The following DYNC1I1 variants were observed in gnomAD, a reference collection of about 807,000 sequenced individuals.
The protein encoded by DYNC1I1 is dynein cytoplasmic 1 intermediate chain 1.
In DYNC1I1, 43 loss-of-function variants were observed where a neutral mutation model predicts 86.6. The ratio of observed to expected loss-of-function variants is 0.50; its 90% CI spans 0.39 to 0.64. DYNC1I1 has a LOEUF of 0.64. Ranked by LOEUF, DYNC1I1 falls within the 30% of genes least tolerant of loss-of-function variation. DYNC1I1 has a pLI of 0.00. For synonymous variants in DYNC1I1, 262 were observed against 283.7 expected, an observed-to-expected ratio of 0.92 and a Z score of 0.77; for missense variants, 604 against 788.8, an observed-to-expected ratio of 0.77 and a Z score of 2.81.
intron 5 of DYNC1I1, among the ~76,000 whole-genome samples, 170 bp from the exon 6 acceptor site, chr7:95,869,713 C>T (rs747118324): frequency 4.6e-5 from 7 of 152,196 alleles, no homozygotes; most frequent in African/African-American, 9.6e-5. Context: ...CAAGAGCCCA[C>T]GTGTCCTGAC....
chr7:95,958,020 G>A (rs546407153), intron 6 of DYNC1I1, among the ~76,000 whole-genome samples: 10 of 152,036 alleles, frequency 6.6e-5, no homozygotes, highest in Non-Finnish European at 1.0e-4. Context: ...TGGTATTTTG[G>A]GCTGGTTAAG....
intron 4 of DYNC1I1, among the ~76,000 whole-genome samples, chr7:95,821,989 A>T (rs1795086067): frequency 6.6e-6 from 1 of 152,198 alleles, no homozygotes; most frequent in Non-Finnish European, 1.5e-5. Flanking sequence ...TTAGGAAATA[A>T]TTCTAAGGTT....
intron 5 of DYNC1I1, among the ~76,000 whole-genome samples, chr7:95,841,807 TTTTGATGTGCAATCTAACC>T (rs1411347364): frequency 6.6e-6 from 1 of 152,174 alleles, no homozygotes; most frequent in African/African-American, 2.4e-5. Flanking sequence ...AAGTCAGGGC[TTTTGATGTGCAATCTAACC>T]CCTTCTAGGG....
chr7:95,931,838 T>A, intron 6 of DYNC1I1, among the ~76,000 whole-genome samples: 1 of 152,220 alleles, frequency 6.6e-6, no homozygotes, highest in East Asian at 1.9e-4. Flanking sequence ...TTTTTTATAT[T>A]TAAATTAATA....
chr7:95,790,545 C>T (rs1284297662), intron 1 of DYNC1I1, among the ~76,000 whole-genome samples: 2 of 152,210 alleles, frequency 1.3e-5, no homozygotes, highest in African/African-American at 2.4e-5. Context: ...GTGGTAACCA[C>T]AGACTACATG....
At chr7:95,903,440 G>A (rs1791092500) in intron 6 of DYNC1I1, among the ~76,000 whole-genome samples, 1 of 152,116 alleles carries the variant, frequency 6.6e-6, no homozygotes, top group Admixed American at 6.5e-5. Context: ...AGTTCTAGCT[G>A]GACAGTAATC....
intron 5 of DYNC1I1, among the ~76,000 whole-genome samples, chr7:95,856,269 C>T (rs144941425): frequency 7.8e-4 from 119 of 152,194 alleles, no homozygotes; most frequent in Non-Finnish European, 1.4e-3. Context: ...ACATGTTGTC[C>T]CCCTGGACGG....
chr7:95,901,571 G>A (rs1791038464), intron 6 of DYNC1I1, among the ~76,000 whole-genome samples: 1 of 152,174 alleles, frequency 6.6e-6, no homozygotes, highest in African/African-American at 2.4e-5. Flanking sequence ...CAACCCAAGT[G>A]TGGCTCTTGA....
Position 95,810,518 on chromosome 7 carries a change from T to C in DYNC1I1, c.223+12T>C. 6.2e-7 allele frequency: 1 copy of C among 1,606,416 alleles called. No individual in the cohort carries two copies. The highest frequency in any genetic ancestry group is 8.5e-7 in the Non-Finnish European group (1 of 1,175,894). ...GGAGCCGCCTCTAGGTACTTAAAAG[T>C]GCTTCCTGTTACTATTCCTCAAAAT... On this transcript the variant is annotated intron_variant, in intron 3 of 16. Coordinates refer to ENST00000447467, the MANE Select transcript of DYNC1I1 (RefSeq NM_001135556.2).
chr7:96,109,199 GCTTT>G (rs1452200501), intron 16 of DYNC1I1, among the ~76,000 whole-genome samples: 1 of 150,076 alleles, frequency 6.7e-6, no homozygotes, highest in Non-Finnish European at 1.5e-5. Context: ...TTATTTTCCT[GCTTT>G]CTTTTTTTTT....
chr7:96,003,892 C>A (rs866529714), intron 10 of DYNC1I1, among the ~76,000 whole-genome samples: 3 of 152,148 alleles, frequency 2.0e-5, no homozygotes, highest in Non-Finnish European at 4.4e-5. Flanking sequence ...ACTAGGTCCA[C>A]ACTTTCTGAT....
intron 1 of DYNC1I1, among the ~76,000 whole-genome samples, chr7:95,791,114 T>G (rs1332449894): frequency 6.6e-6 from 1 of 152,242 alleles, no homozygotes; most frequent in African/African-American, 2.4e-5. Context: ...CTAATTTTAC[T>G]TTATTATCTG....
intron 1 of DYNC1I1, among the ~76,000 whole-genome samples, chr7:95,774,575 TCTGA>T (rs769995054): frequency 7.2e-5 from 11 of 152,342 alleles, no homozygotes; most frequent in Middle Eastern, 6.8e-3. Flanking sequence ...GTCTTCAGTT[TCTGA>T]CTAACTTCGA....
chr7:96,049,135 G>A (rs914410164), intron 14 of DYNC1I1, among the ~76,000 whole-genome samples: 4 of 151,820 alleles, frequency 2.6e-5, no homozygotes, highest in African/African-American at 9.7e-5. Flanking sequence ...GCGGGTGCCT[G>A]TAGTCCCAGC....
Position 95,964,002 on chromosome 7 carries a change from C to A in DYNC1I1, c.491-13510C>A, listed in dbSNP as rs74873195. Among the ~76,000 whole-genome samples the A allele has an allele frequency of 7.2e-3, 1,102 of 152,204 alleles. 6 individuals are homozygous for A. The highest frequency in any genetic ancestry group is 0.011 in the Non-Finnish European group (754 of 67,994). ...AATAGAAAATTATTACACTGACAGA[C>A]AAGAGACTTCATATTTGAGCCAATG... is the stretch of plus-strand genomic sequence containing the variant. On this transcript the variant is annotated intron_variant, in intron 6 of 16. Transcript: ENST00000447467.
At chr7:96,025,158 T>C (rs1176663885) in intron 10 of DYNC1I1, among the ~76,000 whole-genome samples, 2 of 152,168 alleles carry the variant, frequency 1.3e-5, no homozygotes, top group Non-Finnish European at 2.9e-5. Flanking sequence ...TGTAAAGACA[T>C]CTTGTGAAAT....
intron 6 of DYNC1I1, among the ~76,000 whole-genome samples, chr7:95,952,659 C>T (rs376388162): frequency 5.9e-5 from 9 of 152,066 alleles, no homozygotes; most frequent in Admixed American, 2.0e-4. Context: ...TTGAAGTGAG[C>T]GCTATGTTAT....
chr7:95,899,411 C>T (rs1790976101), intron 6 of DYNC1I1, among the ~76,000 whole-genome samples: 1 of 152,176 alleles, frequency 6.6e-6, no homozygotes, highest in Non-Finnish European at 1.5e-5. Flanking sequence ...CTGTTGGTCA[C>T]TCTTGGGCTG....
intron 6 of DYNC1I1, among the ~76,000 whole-genome samples, chr7:95,891,201 C>T (rs566654522): frequency 7.9e-5 from 12 of 152,306 alleles, no homozygotes; most frequent in East Asian, 1.9e-4. Flanking sequence ...AGAAACCAGC[C>T]TGCTGACACC....
Sources: allele counts gnomAD v4.1 joint callset (sites outside exome capture counted in the v4.1 genomes callset), GRCh38; gene constraint gnomAD v4.1.1; transcripts MANE v1.5; gene names NCBI Gene and HGNC (gene_info 2026-07-23, HGNC 2026-07-21).